Variants in CYP2S1 observed in about 807,000 individuals in gnomAD.
CYP2S1 encodes cytochrome P450 family 2 subfamily S member 1.
A neutral mutation model predicts 43.5 loss-of-function variants in CYP2S1; 32 were observed. The ratio of observed to expected loss-of-function variants is 0.74; its 90% CI spans 0.56 to 0.99. The LOEUF (loss-of-function observed/expected upper bound fraction) is 0.99, where lower values mean the gene tolerates loss of function less well. Ranked by LOEUF, CYP2S1 falls within the 50% of genes least tolerant of loss-of-function variation. CYP2S1 has a pLI of 0.00. For missense variants in CYP2S1, 575 were observed against 673.9 expected (o/e 0.85, Z 1.62); for synonymous variants, 283 against 302.9 (o/e 0.93, Z 0.68).
At position 41,207,203 on chromosome 19, in the gene CYP2S1, T is replaced by A. The variant is rs1393452105; in HGVS notation, c.*715T>A. The A allele has an allele frequency of 3.9e-6, 1 of 257,526 alleles. No homozygotes were observed. The highest frequency in any genetic ancestry group is 9.1e-5 in the East Asian group (1 of 10,942). 16.0% of individuals were successfully genotyped at this position (257,526 alleles called of 1,614,324 possible). On this transcript the variant is annotated 3_prime_UTR_variant, in exon 9 of 9. Transcript: ENST00000310054. ...GTCACCCCTTTTTAAGCACCCTGAT[T>A]CTACCAAATGCAAACACATCTGGGT...
Position 41,203,607 on chromosome 19 carries a change from C to T in CYP2S1, c.1134C>T (p.Thr378=), listed in dbSNP as rs2033521844. Residue 378 remains threonine (T), a synonymous_variant, in exon 7 of 9, where the codon ACC becomes ACT. Coordinates refer to ENST00000310054, the MANE Select transcript of CYP2S1 (RefSeq NM_030622.8). ...PMGIPRTLMR[T]TRFRGYTLPQ... is the part of the protein sequence containing the mutation. ...GAATACCCCGCACCCTCATGCGGAC[C>T]ACCCGCTTCCGAGGGTACACCCTGC... 6.5e-7 allele frequency: 1 copy of T among 1,549,610 alleles called. No individual in the cohort carries two copies. Among genetic ancestry groups the T allele is most frequent in the African/African-American group, 1.4e-5 (1 of 73,096 alleles).
chr19:41,205,325 C>CCTTT (rs67491669), intron 7 of CYP2S1, among the ~76,000 whole-genome samples: 13,014 of 114,968 alleles, frequency 0.11, 753 homozygotes, highest in East Asian at 0.24. Flanking sequence ...CTATTCTTTG[C>CCTTT]CTTTCTTTCT....
At position 41,197,790 on chromosome 19, in the gene CYP2S1, T is replaced by C. The variant is rs773640104; in HGVS notation, c.355T>C (p.Ser119Pro). 2.5e-6 allele frequency: 4 copies of C among 1,613,890 alleles called. No individual in the cohort carries two copies. The Admixed American group carries it at 6.7e-5, about 27-fold the overall frequency. The change falls in exon 3 of 9, where the codon TCC becomes CCC. Residue 119 changes from serine to proline, a missense_variant. Ser to Pro is a moderately conservative substitution (Grantham distance 74, BLOSUM62 -1). This residue lies in a region of CYP2S1 where 353 missense variants were observed against 367.6 expected (regional missense o/e 0.96). Coordinates refer to ENST00000310054, the MANE Select transcript of CYP2S1 (RefSeq NM_030622.8). Reference sequence around the variant, plus strand: ...AGCCTTCTGCGCAGGGGTTTTCTTCTCCAACGGGGAGCGGTGGAGGCAGCT... The same window carrying C: ...AGCCTTCTGCGCAGGGGTTTTCTTCCCCAACGGGGAGCGGTGGAGGCAGCT... ...GTFDGHGVFF[S>P]NGERWRQLRK...
Position 41,201,273 on chromosome 19 carries a change from C to A in CYP2S1, c.877C>A (p.Leu293Met). 6.2e-7 allele frequency: 1 copy of A among 1,614,150 alleles called. No individual in the cohort carries two copies. The highest frequency in any genetic ancestry group is 1.1e-5 in the South Asian group (1 of 91,090). Residue 293 changes from leucine (L) to methionine (M), a missense_variant, in exon 6 of 9, where the codon CTG becomes ATG. Physicochemically the swap from Leu to Met is conservative, Grantham distance 15. Around this residue, in one of 2 missense-constraint regions of CYP2S1, gnomAD observed 222 missense variants for 306.3 expected, o/e 0.72. Coordinates refer to ENST00000310054, the MANE Select transcript of CYP2S1 (RefSeq NM_030622.8). ...PGTEFTNKNM[L>M]MTVIYLLFAG... ...CACAGAATTCACCAACAAGAACATG[C>A]TGATGACAGTCATTTATTTGCTGTT...
intron 2 of CYP2S1, among the ~76,000 whole-genome samples, chr19:41,197,293 G>A (rs888471869): frequency 3.3e-5 from 5 of 152,190 alleles, no homozygotes; most frequent in Non-Finnish European, 5.9e-5. Context: ...AAGGATGGGA[G>A]AACCAGTTTG....
At position 41,206,654 on chromosome 19, in the gene CYP2S1, C is replaced by T. The variant is rs755903292; in HGVS notation, c.*166C>T. On this transcript the variant is annotated 3_prime_UTR_variant, in exon 9 of 9. Coordinates refer to ENST00000310054, the MANE Select transcript of CYP2S1 (RefSeq NM_030622.8). The stretch of plus-strand genomic sequence containing the variant: ...CCACGGCCCACACGCTCACTTGACT[C>T]ATGCTGCTAAGATGCACAACCGCAC... 7.8e-6 allele frequency: 7 copies of T among 899,778 alleles called. No homozygotes were observed. The highest frequency in any genetic ancestry group is 6.5e-5 in the South Asian group (5 of 76,406). 55.7% of individuals were successfully genotyped at this position (899,778 alleles called of 1,614,324 possible).
Position 41,207,329 on chromosome 19 carries a change from C to T in CYP2S1, c.*841C>T. 5.2e-6 allele frequency: 1 copy of T among 192,594 alleles called. No individual in the cohort carries two copies. The highest frequency in any genetic ancestry group is 5.3e-5 in the Admixed American group (1 of 18,872). The allele number at this position is 192,594 out of a possible 1,614,324, so 11.9% of individuals were successfully genotyped here. On this transcript the variant is annotated 3_prime_UTR_variant, in exon 9 of 9. Coordinates refer to ENST00000310054, the MANE Select transcript of CYP2S1 (RefSeq NM_030622.8). ...GCTTATGTAACCACGTGGAAAGCGG[C>T]CCCTGCTGCCCCTCCACACACACAT...
chr19:41,195,136 G>A (rs751153830), intron 2 of CYP2S1, among the ~76,000 whole-genome samples: 33 of 152,210 alleles, frequency 2.2e-4, no homozygotes, highest in Non-Finnish European at 2.8e-4. Context: ...ACAAAAAGCA[G>A]TGCCCATCAT....
chr19:41,203,757 G>A (rs369510709), intron 7 of CYP2S1, 120 bp downstream of exon 7: 25 of 948,736 alleles, frequency 2.6e-5, no homozygotes, highest in Admixed American at 1.1e-4. Context: ...CTCTCTCTCT[G>A]TCTTTATCTC....
At chr19:41,197,677 G>T (rs2033429745) in intron 2 of CYP2S1, 102 bp from the exon 3 acceptor site, 2 of 1,543,136 alleles carry the variant, frequency 1.3e-6, no homozygotes, top group Non-Finnish European at 1.7e-6. Flanking sequence ...TCCAGCCTGG[G>T]CAACAGAGCG....
chr19:41,193,570 G>T (rs577645029), intron 1 of CYP2S1, 129 bp downstream of exon 1: 17 of 1,352,704 alleles, frequency 1.3e-5, no homozygotes, highest in Non-Finnish European at 1.5e-5. Flanking sequence ...AGGCAAAGGG[G>T]CTGCTGCTGT....
chr19:41,201,385 T>C lies in CYP2S1; in HGVS notation c.976+13T>C. ...CCTCATGTCCAAAGTAAGAGCCTTT[T>C]CCACTTGCCAGGCCTTGGGAACAGA... On this transcript the variant is annotated intron_variant, in intron 6 of 8. Transcript: ENST00000310054. 6.2e-7 allele frequency: 1 copy of C among 1,612,728 alleles called. No homozygotes were observed. The highest frequency in any genetic ancestry group is 8.5e-7 in the Non-Finnish European group (1 of 1,179,266).
rs770773273 is a variant in CYP2S1, at chr19:41,206,045, C to T, written c.1252C>T (p.Leu418=). The stretch of plus-strand genomic sequence containing the variant: ...AGAAGAGTTCAACCCAGACCGTTTC[C>T]TGGATGCAGATGGACGGTTCAGGAA... ...HPEEFNPDRF[L]DADGRFRKHE... The change falls in exon 8 of 9, where the codon CTG becomes TTG. Residue 418 remains leucine (L), a synonymous_variant. Coordinates refer to ENST00000310054, the MANE Select transcript of CYP2S1 (RefSeq NM_030622.8). 2.4e-5 allele frequency: 39 copies of T among 1,614,012 alleles called. No homozygotes were observed. The highest frequency in any genetic ancestry group is 3.3e-5 in the Admixed American group (2 of 59,982).
Position 41,207,239 on chromosome 19 carries a change from G to A in CYP2S1, c.*751G>A. The A allele has an allele frequency of 4.2e-6, 1 of 238,372 alleles. No individual in the cohort carries two copies. 14.8% of individuals were successfully genotyped at this position (238,372 alleles called of 1,614,324 possible). ...CAAACACATCTGGGTCTGCGATTATGCACAGAGACTTTGGACATACGAGGA... is the reference window on the plus strand; with the variant it reads ...CAAACACATCTGGGTCTGCGATTATACACAGAGACTTTGGACATACGAGGA... On this transcript the variant is annotated 3_prime_UTR_variant, in exon 9 of 9. Transcript: ENST00000310054.
chr19:41,203,422 CT>C (rs2033516628), intron 6 of CYP2S1, 27 bp from the exon 7 acceptor site: 1 of 1,561,104 alleles, frequency 6.4e-7, no homozygotes, highest in Admixed American at 1.9e-5. Context: ...CTACCCCCGT[CT>C]GACTCCTGCC....
chr19:41,193,245 G>A lies in CYP2S1; in HGVS notation c.-20G>A, dbSNP rs561510333. ...GCCGCGCGGAGCGCCTGGGAGAGGA[G>A]AAGGAGCCGACCTGCCGAGATGGAG... On this transcript the variant is annotated 5_prime_UTR_variant, in exon 1 of 9. Coordinates refer to ENST00000310054, the MANE Select transcript of CYP2S1 (RefSeq NM_030622.8). 94 of 1,525,084 alleles carry A rather than the reference G, an allele frequency of 6.2e-5. No homozygotes were observed. The South Asian group carries it at 7.7e-4, about 13-fold the overall frequency. 94.5% of individuals were successfully genotyped at this position (1,525,084 alleles called of 1,614,324 possible). A position where few individuals can be genotyped will look rare whatever the true frequency, so the allele number is the denominator to read the frequency against.
At chr19:41,199,307 C>G (rs1368122820) in intron 5 of CYP2S1, among the ~76,000 whole-genome samples, 2 of 152,000 alleles carry the variant, frequency 1.3e-5, no homozygotes, top group Non-Finnish European at 2.9e-5. Flanking sequence ...TATTAGGAAG[C>G]CTTGCAATAT....
rs560310717 is a variant in CYP2S1, at chr19:41,205,566, G to T, written c.1165-392G>T. ...TGACAGGGTCTCTCTTTGTCTCCCA[G>T]GCTGGGGTGCAGTGGTACAAGCATA... On this transcript the variant is annotated intron_variant, in intron 7 of 8. Transcript: ENST00000310054. Among the ~76,000 whole-genome samples, 282 of 151,114 alleles carry T rather than the reference G, an allele frequency of 1.9e-3. 1 individual carries two copies. Among genetic ancestry groups the T allele is most frequent in the African/African-American group, 6.7e-3 (277 of 41,050 alleles).
chr19:41,201,764 T>C (rs1167112443), intron 6 of CYP2S1, among the ~76,000 whole-genome samples: 1 of 150,388 alleles, frequency 6.6e-6, no homozygotes, highest in Non-Finnish European at 1.5e-5. Flanking sequence ...ACAGGCTGAG[T>C]TAGATCTTTG....
Sources: allele counts gnomAD v4.1 joint callset (sites outside exome capture counted in the v4.1 genomes callset), GRCh38; gene constraint gnomAD v4.1.1; regional missense constraint gnomAD v4.1.1; transcripts MANE v1.5; gene names NCBI Gene and HGNC (gene_info 2026-07-23, HGNC 2026-07-21).